SGCZ: variants seen among roughly 807,000 people sequenced by gnomAD.
SGCZ encodes sarcoglycan zeta.
In SGCZ, 40 loss-of-function variants were observed where a neutral mutation model predicts 41.3. The observed-to-expected ratio is 0.97, with a 90% CI of 0.75 to 1.26. The LOEUF is 1.26. Ranked by LOEUF, SGCZ falls within the 50% of genes most tolerant of loss-of-function variation. The probability of loss-of-function intolerance (pLI) is 0.00; values close to 1 mark genes in which losing one functional copy is unlikely to be tolerated. For missense variants in SGCZ, 552 were observed against 369.8 expected, an observed-to-expected ratio of 1.49 and a Z score of -4.04; for synonymous variants, 206 against 137.5, an observed-to-expected ratio of 1.50 and a Z score of -3.49.
At chr8:14,208,422 T>G (rs1805687443) in intron 4 of SGCZ, among the ~76,000 whole-genome samples, 1 of 152,172 alleles carries the variant, frequency 6.6e-6, no homozygotes, top group African/African-American at 2.4e-5. Context: ...AAATGGAAGG[T>G]TGTCTCTCTA....
rs1277980553 is a variant in SGCZ, at chr8:15,002,193, A to C, written c.39+235392T>G. On this transcript the variant is annotated intron_variant, in intron 1 of 7. Transcript: ENST00000382080. The stretch of plus-strand genomic sequence containing the variant: ...TGCTTCAGGAATGACTTAAGAATAT[A>C]GTCAGCTCTAAAAAAAAAAAGCCAT... Among the ~76,000 whole-genome samples the C allele has an allele frequency of 6.1e-5, 7 of 114,724 alleles. No individual in the cohort carries two copies. In the Admixed American group the frequency reaches 7.1e-4, roughly 12 times the overall value. 75.3% of individuals were successfully genotyped at this position (114,724 alleles called of 152,430 possible). A position where few individuals can be genotyped will look rare whatever the true frequency, so the allele number is the denominator to read the frequency against.
At chr8:14,520,980 GCTT>G (rs1449518025) in intron 2 of SGCZ, among the ~76,000 whole-genome samples, 3 of 152,110 alleles carry the variant, frequency 2.0e-5, no homozygotes, top group Non-Finnish European at 4.4e-5. Context: ...GTATATAATT[GCTT>G]TAATTACAAT....
chr8:14,359,390 T>C (rs535404108), intron 2 of SGCZ, among the ~76,000 whole-genome samples: 16 of 152,146 alleles, frequency 1.1e-4, no homozygotes, highest in South Asian at 2.1e-4. Flanking sequence ...CTAATAGATA[T>C]GTACAAAACG....
chr8:15,101,876 G>C (rs533281263), intron 1 of SGCZ, among the ~76,000 whole-genome samples: 10 of 152,172 alleles, frequency 6.6e-5, no homozygotes, highest in Non-Finnish European at 1.5e-4. Context: ...AGTGAGCCGA[G>C]ATTGTGACAC....
At chr8:14,835,035 CTT>C (rs1356418292) in intron 1 of SGCZ, among the ~76,000 whole-genome samples, 6 of 152,200 alleles carry the variant, frequency 3.9e-5, no homozygotes, top group African/African-American at 1.4e-4. Context: ...TGAAACAACT[CTT>C]GTCTAAAATT....
At chr8:15,217,498 G>C (rs1465389077) in intron 1 of SGCZ, among the ~76,000 whole-genome samples, 1 of 143,894 alleles carries the variant, frequency 6.9e-6, no homozygotes, top group African/African-American at 2.6e-5. Flanking sequence ...GTTTTGGTTT[G>C]AGTTCTATAA....
At chr8:14,129,555 C>G (rs548432984) in intron 5 of SGCZ, among the ~76,000 whole-genome samples, 1 of 151,468 alleles carries the variant, frequency 6.6e-6, no homozygotes, top group South Asian at 2.1e-4. Context: ...AATTTTGCAA[C>G]AAAGGCAGGG....
intron 2 of SGCZ, among the ~76,000 whole-genome samples, chr8:14,530,143 G>C (rs566157691): frequency 2.0e-5 from 3 of 151,944 alleles, no homozygotes; most frequent in East Asian, 3.9e-4. Context: ...TGGTATTACA[G>C]ATAATCATCT....
intron 1 of SGCZ, among the ~76,000 whole-genome samples, chr8:14,573,665 T>A (rs1016269850): frequency 6.6e-6 from 1 of 152,294 alleles, no homozygotes; most frequent in South Asian, 2.1e-4. Context: ...AGAGACTGGT[T>A]CCCAATTTCC....
chr8:15,019,477 C>T (rs893119237), intron 1 of SGCZ, among the ~76,000 whole-genome samples: 1 of 152,078 alleles, frequency 6.6e-6, no homozygotes, highest in African/African-American at 2.4e-5. Context: ...CTTTCAGCCC[C>T]AGCACTCCTT....
intron 1 of SGCZ, among the ~76,000 whole-genome samples, chr8:15,110,167 A>T (rs1007840755): frequency 2.0e-5 from 3 of 152,184 alleles, no homozygotes; most frequent in African/African-American, 7.2e-5. Context: ...ATGGCTTTGA[A>T]TTACAGGAAT....
rs182423546 is a variant in SGCZ at position 15,206,507 on chromosome 8, T to C, written c.39+31078A>G. ...ACTCTTCGACCCAGGCTGCAGTACA[T>C]GGCACCATCTTGGCTCACTGCAACC... On this transcript the variant is annotated intron_variant, in intron 1 of 7. Coordinates refer to ENST00000382080, the MANE Select transcript of SGCZ (RefSeq NM_139167.4). 2.0e-3 allele frequency among the ~76,000 whole-genome samples: 272 copies of C among 133,376 alleles called. 1 individual carries two copies. Among genetic ancestry groups the C allele is most frequent in the Admixed American group, 3.1e-3 (42 of 13,352 alleles). 87.5% of individuals were successfully genotyped at this position (133,376 alleles called of 152,430 possible).
At chr8:14,576,190 A>G (rs981004810) in intron 1 of SGCZ, among the ~76,000 whole-genome samples, 4 of 152,146 alleles carry the variant, frequency 2.6e-5, no homozygotes, top group Non-Finnish European at 5.9e-5. Flanking sequence ...AGCCATGCAA[A>G]TCTCCCAAGG....
At chr8:14,669,389 A>AAGTAAGTAAGTAAGTAAGTAAG (rs1563191230) in intron 1 of SGCZ, among the ~76,000 whole-genome samples, 175 of 24,078 alleles carry the variant, frequency 7.3e-3, no homozygotes, top group Non-Finnish European at 9.2e-3. Context: ...AAGTAAGTAA[A>AAGTAAGTAAGTAAGTAAGTAAG]TAAATAAATA....
chr8:14,506,716 G>C (rs1167338194), intron 2 of SGCZ, among the ~76,000 whole-genome samples: 2 of 152,086 alleles, frequency 1.3e-5, no homozygotes, highest in African/African-American at 2.4e-5. Flanking sequence ...TGGCTTTTAT[G>C]TTACTAAATT....
chr8:14,784,125 A>G (rs1018850515), intron 1 of SGCZ, among the ~76,000 whole-genome samples: 2 of 150,896 alleles, frequency 1.3e-5, no homozygotes, highest in Non-Finnish European at 2.9e-5. Context: ...ATCATGGTTC[A>G]CAGTACACTT....
At chr8:14,572,087 A>T (rs551090180) in intron 1 of SGCZ, among the ~76,000 whole-genome samples, 68 of 152,310 alleles carry the variant, frequency 4.5e-4, no homozygotes, top group South Asian at 1.0e-3. Context: ...AAAAGCACTT[A>T]TTCATTAAAT....
At chr8:15,071,705 G>A (rs533569535) in intron 1 of SGCZ, among the ~76,000 whole-genome samples, 1 of 152,224 alleles carries the variant, frequency 6.6e-6, no homozygotes, top group African/African-American at 2.4e-5. Context: ...CAACCTCAAA[G>A]TTAAAATAAA....
rs11448326 is a variant in SGCZ, at chr8:14,682,436, A to ATTT, written c.40-127513_40-127511dup. Reference sequence around the variant, plus strand: ...CATATATAATGCACCCTGCAATGCAATTTTTTTTTTTTTTTTGAGACAGAG... The same window carrying ATTT: ...CATATATAATGCACCCTGCAATGCAATTTTTTTTTTTTTTTTTTTGAGACAGAG... On this transcript the variant is annotated intron_variant, in intron 1 of 7. Coordinates refer to ENST00000382080, the MANE Select transcript of SGCZ (RefSeq NM_139167.4). Among the ~76,000 whole-genome samples, 608 of 141,662 alleles carry ATTT rather than the reference A, an allele frequency of 4.3e-3. 5 individuals are homozygous for ATTT. Among genetic ancestry groups the ATTT allele is most frequent in the South Asian group, 0.011 (47 of 4,474 alleles). The allele number at this position is 141,662 out of a possible 152,430, so 92.9% of individuals were successfully genotyped here.
Sources: gnomAD v4.1 joint callset for allele counts (sites outside exome capture counted in the v4.1 genomes callset) on GRCh38, gnomAD v4.1.1 for gene constraint, MANE v1.5 for transcripts, NCBI Gene and HGNC (gene_info 2026-07-23, HGNC 2026-07-21) for gene names.